Variants in UIMC1 observed in about 807,000 individuals in gnomAD.
UIMC1 encodes ubiquitin interaction motif containing 1.
In UIMC1, 42 loss-of-function variants were observed where a neutral mutation model predicts 84.9. The ratio of observed to expected loss-of-function variants is 0.49; its 90% CI spans 0.39 to 0.64. The LOEUF (loss-of-function observed/expected upper bound fraction) is 0.64, where lower values mean the gene tolerates loss of function less well. UIMC1 is among the 30% of genes least tolerant of loss of function. The pLI, the probability that UIMC1 is intolerant of heterozygous loss-of-function variation, is 0.00. For synonymous variants in UIMC1, 281 were observed against 293.0 expected (o/e 0.96, Z 0.42); for missense variants, 825 against 847.6 (o/e 0.97, Z 0.33).
intron 6 of UIMC1, among the ~76,000 whole-genome samples, chr5:176,961,941 T>C (rs1330579383): frequency 2.6e-5 from 1 of 38,264 alleles, no homozygotes; most frequent in Non-Finnish European, 5.2e-5. Flanking sequence ...GGGAGGGAGG[T>C]GGGGGTGTCG....
intron 8 of UIMC1, among the ~76,000 whole-genome samples, chr5:176,952,106 C>G (rs565657444): frequency 6.6e-6 from 1 of 152,202 alleles, no homozygotes; most frequent in African/African-American, 2.4e-5. Flanking sequence ...GAGTAGCATT[C>G]CATTGTATAG....
At chr5:176,995,717 C>G (rs1773507437) in intron 1 of UIMC1, among the ~76,000 whole-genome samples, 1 of 151,546 alleles carries the variant, frequency 6.6e-6, no homozygotes, top group East Asian at 1.9e-4. Flanking sequence ...GTGGCAGGAG[C>G]CCGTAGTCCC....
At chr5:176,965,398 C>T (rs1181297191) in intron 6 of UIMC1, among the ~76,000 whole-genome samples, 3 of 150,386 alleles carry the variant, frequency 2.0e-5, no homozygotes, top group Admixed American at 6.6e-5. Context: ...CTCCAGCCTG[C>T]GCAACACAGA....
At chr5:176,980,473 A>G (rs1039770807) in intron 2 of UIMC1, among the ~76,000 whole-genome samples, 3 of 152,214 alleles carry the variant, frequency 2.0e-5, no homozygotes, top group African/African-American at 7.2e-5. Context: ...CTGATAATGT[A>G]TGCACAAAAT....
In UIMC1 at chr5:176,918,549, A is replaced by G. The variant is rs577282773; in HGVS notation, c.1598-7160T>C. ...TTTTCTGACTTCCATGGTTCTAATG[A>G]AGAACTCTAGCTGAGCCTATCATTA... On this transcript the variant is annotated intron_variant, in intron 10 of 14. Coordinates refer to ENST00000511320, the MANE Select transcript of UIMC1 (RefSeq NM_001199298.2). Among the ~76,000 whole-genome samples the G allele has an allele frequency of 3.3e-4, 50 of 152,294 alleles. 1 individual carries two copies. Among genetic ancestry groups the G allele is most frequent in the African/African-American group, 1.2e-3 (49 of 41,562 alleles).
intron 10 of UIMC1, among the ~76,000 whole-genome samples, chr5:176,937,056 G>A (rs573992010): frequency 1.3e-5 from 2 of 152,308 alleles, no homozygotes; most frequent in Non-Finnish European, 1.5e-5. Context: ...CGTATTGAAT[G>A]AGTAAATGGG....
chr5:176,931,288 T>A (rs1026945815), intron 10 of UIMC1, among the ~76,000 whole-genome samples: 1 of 152,208 alleles, frequency 6.6e-6, no homozygotes, highest in African/African-American at 2.4e-5. Context: ...AATTTAAAAG[T>A]GTGACTAGAT....
At chr5:176,919,107 C>T in intron 10 of UIMC1, 1 of 291,998 alleles carries the variant, frequency 3.4e-6, no homozygotes, top group Non-Finnish European at 6.8e-6. Flanking sequence ...TATAACTTCA[C>T]TGAGATATAT....
intron 2 of UIMC1, 126 bp downstream of exon 2, chr5:176,982,343 G>C: frequency 9.4e-7 from 1 of 1,068,170 alleles, no homozygotes; most frequent in Non-Finnish European, 1.3e-6. Context: ...AAACAAAGCT[G>C]AGTAAAAATT....
chr5:176,942,384 G>A (rs1764541436), intron 10 of UIMC1, among the ~76,000 whole-genome samples: 1 of 152,094 alleles, frequency 6.6e-6, no homozygotes, highest in African/African-American at 2.4e-5. Flanking sequence ...GAAATGCAAG[G>A]TCCACTGCAC....
At chr5:176,967,413 A>C (rs762935616) in intron 6 of UIMC1, among the ~76,000 whole-genome samples, 1 of 152,208 alleles carries the variant, frequency 6.6e-6, no homozygotes, top group Non-Finnish European at 1.5e-5. Flanking sequence ...AGGGAAAAGA[A>C]AATGTATTCT....
chr5:176,921,025 C>T (rs1761640090), intron 10 of UIMC1, among the ~76,000 whole-genome samples: 1 of 152,116 alleles, frequency 6.6e-6, no homozygotes, highest in South Asian at 2.1e-4. Context: ...TTTCTGTGTC[C>T]ATTTAGATAT....
At chr5:176,908,407 G>A (rs1759683825) in intron 12 of UIMC1, 116 bp downstream of exon 12, 1 of 1,048,606 alleles carries the variant, frequency 9.5e-7, no homozygotes, top group South Asian at 2.7e-5. Flanking sequence ...CTTGTTTCAA[G>A]ATAAATAGAG....
intron 2 of UIMC1, among the ~76,000 whole-genome samples, chr5:176,975,997 A>C (rs959905854): frequency 2.6e-5 from 4 of 152,082 alleles, no homozygotes; most frequent in Non-Finnish European, 4.4e-5. Flanking sequence ...ACAAAAAATA[A>C]AATAGAGAAA....
Position 176,924,841 on chromosome 5 carries a change from C to A in UIMC1, c.1598-13452G>T, listed in dbSNP as rs183200809. 5.0e-3 allele frequency among the ~76,000 whole-genome samples: 764 copies of A among 151,942 alleles called. 5 individuals carry two copies. Among genetic ancestry groups the A allele is most frequent in the South Asian group, 0.042 (203 of 4,806 alleles). ...GGATCACAAGGTCAGGAGATCAAGA[C>A]CATCCTGGCCAACATGGTGAAACCC... On this transcript the variant is annotated intron_variant, in intron 10 of 14. Transcript: ENST00000511320.
chr5:176,988,458 T>C (rs763382858), intron 1 of UIMC1, among the ~76,000 whole-genome samples: 6 of 151,992 alleles, frequency 3.9e-5, no homozygotes, highest in Non-Finnish European at 7.4e-5. Context: ...ATAAGAAACA[T>C]CCAGAATAGG....
intron 10 of UIMC1, among the ~76,000 whole-genome samples, chr5:176,931,228 A>G (rs1248613811): frequency 1.3e-5 from 2 of 152,214 alleles, no homozygotes; most frequent in East Asian, 3.8e-4. Context: ...TCACTGATCT[A>G]GTATTAATTT....
chr5:176,921,746 T>A (rs147180039), intron 10 of UIMC1, among the ~76,000 whole-genome samples: 82 of 152,258 alleles, frequency 5.4e-4, no homozygotes, highest in Non-Finnish European at 9.3e-4. Context: ...GCCACTCCCC[T>A]CCACCCCTGC....
At chr5:176,937,352 G>A (rs749091913) in intron 10 of UIMC1, among the ~76,000 whole-genome samples, 8 of 152,072 alleles carry the variant, frequency 5.3e-5, no homozygotes, top group Admixed American at 1.3e-4. Flanking sequence ...AAAATTAGCC[G>A]AGCGTGGTAG....
Sources: gnomAD v4.1 joint callset for allele counts (sites outside exome capture counted in the v4.1 genomes callset) on GRCh38, gnomAD v4.1.1 for gene constraint, MANE v1.5 for transcripts, NCBI Gene and HGNC (gene_info 2026-07-23, HGNC 2026-07-21) for gene names.